RFX2: variants seen among roughly 807,000 people sequenced by gnomAD.
RFX2 encodes regulatory factor X2.
A neutral mutation model predicts 87.8 loss-of-function variants in RFX2; 20 were observed. The ratio of observed to expected loss-of-function variants is 0.23; its 90% CI spans 0.16 to 0.33. The LOEUF (loss-of-function observed/expected upper bound fraction) is 0.33. Among genes scored for constraint, RFX2 ranks in the 10% least tolerant of loss-of-function variants. RFX2 has a pLI of 1.00. For missense variants in RFX2, 767 were observed against 1,012.3 expected (o/e 0.76, Z 3.29); for synonymous variants, 397 against 431.3 (o/e 0.92, Z 0.98).
chr19:6,037,289 G>GA (rs57278741), intron 5 of RFX2, among the ~76,000 whole-genome samples: 30,677 of 102,436 alleles, frequency 0.3, 3,736 homozygotes, highest in South Asian at 0.41. Context: ...GTCTCAAAAA[G>GA]AAAAAAAAAA....
chr19:6,091,662 T>C (rs1275070726), intron 1 of RFX2, among the ~76,000 whole-genome samples: 1 of 152,178 alleles, frequency 6.6e-6, no homozygotes, highest in Non-Finnish European at 1.5e-5. Flanking sequence ...ATTCGAACAT[T>C]TTCAGAAATA....
chr19:6,025,605 C>T (rs1021962391), intron 6 of RFX2, among the ~76,000 whole-genome samples: 2 of 152,042 alleles, frequency 1.3e-5, no homozygotes, highest in African/African-American at 4.8e-5. Flanking sequence ...AATTTACTCC[C>T]TATGACAACC....
chr19:6,015,045 T>C (rs529353699), intron 7 of RFX2, among the ~76,000 whole-genome samples: 58 of 152,240 alleles, frequency 3.8e-4, no homozygotes, highest in African/African-American at 1.2e-3. Context: ...AGAGTTGGCA[T>C]AATTGCCTGT....
chr19:6,100,884 GAATT>G (rs143544211), intron 1 of RFX2, among the ~76,000 whole-genome samples: 14 of 150,162 alleles, frequency 9.3e-5, no homozygotes, highest in Non-Finnish European at 1.9e-4. Flanking sequence ...TTAATTAATT[GAATT>G]AATTAATCAT....
rs1260529938 is a variant in RFX2 at position 6,044,614 on chromosome 19, G to A, written c.91-332C>T. 1.3e-5 allele frequency among the ~76,000 whole-genome samples: 2 copies of A among 152,070 alleles called. No individual in the cohort carries two copies. The highest frequency in any genetic ancestry group is 2.9e-5 in the Non-Finnish European group (2 of 68,010). On this transcript the variant is annotated intron_variant, in intron 2 of 17. Coordinates refer to ENST00000303657, the MANE Select transcript of RFX2 (RefSeq NM_000635.4). The surrounding 1 kb of genome is among the most constrained non-coding windows in gnomAD (Gnocchi z 5.3). ...CACGGAAGCACATGCACCTTCACCC[G>A]CCCAGGCAGCTTTGCCTCTGTGGGT...
intron 1 of RFX2, among the ~76,000 whole-genome samples, chr19:6,060,864 G>A (rs2087419528): frequency 6.6e-6 from 1 of 151,856 alleles, no homozygotes; most frequent in African/African-American, 2.4e-5. Context: ...ACTCAATGTG[G>A]ACGACCTCCC....
chr19:5,997,960 A>T lies in RFX2; in HGVS notation c.1860-747T>A, dbSNP rs542582920. 6.6e-6 allele frequency among the ~76,000 whole-genome samples: 1 copy of T among 152,304 alleles called. No homozygotes were observed. Among genetic ancestry groups the T allele is most frequent in the Admixed American group, 6.5e-5 (1 of 15,302 alleles). The stretch of plus-strand genomic sequence containing the variant: ...TGTTGTCTTTCCTAGGATGGCTGCA[A>T]ATACTACCTGGTTCTTTCTGGGAGA... On this transcript the variant is annotated intron_variant, in intron 15 of 17. Transcript: ENST00000303657. This position sits in a 1 kb window ranked among gnomAD's most constrained non-coding sequence, Gnocchi z 4.2.
chr19:6,102,692 C>T (rs1223833410), intron 1 of RFX2, among the ~76,000 whole-genome samples: 1 of 152,244 alleles, frequency 6.6e-6, no homozygotes, highest in Non-Finnish European at 1.5e-5. Flanking sequence ...CCCCACAGCG[C>T]TGGTTCCCTC....
chr19:6,104,834 A>G (rs984177578), intron 1 of RFX2, among the ~76,000 whole-genome samples: 1 of 151,990 alleles, frequency 6.6e-6, no homozygotes, highest in Non-Finnish European at 1.5e-5. Context: ...CCCTGGGGAT[A>G]TAGAAGTTAA....
In RFX2 at chr19:6,016,197, G is replaced by A. The variant is rs933403234; in HGVS notation, c.672C>T (p.Tyr224=). 1.9e-5 allele frequency: 30 copies of A among 1,614,092 alleles called. No individual in the cohort carries two copies. The highest frequency in any genetic ancestry group is 2.5e-5 in the Non-Finnish European group (29 of 1,179,928). The part of the protein sequence containing the change: ...SLPRSSLYNH[Y]LRHCQEHKLD... The stretch of plus-strand genomic sequence containing the variant: ...GCTTGTGCTCCTGGCAGTGCCGAAG[G>A]TAGTGGTTGTAAAGAGAACTTCTGG... The change falls in exon 7 of 18, where the codon TAC becomes TAT. Residue 224 remains tyrosine, a synonymous_variant. Transcript: ENST00000303657. This position sits in a 1 kb window ranked among gnomAD's most constrained non-coding sequence, Gnocchi z 5.4.
In RFX2 at chr19:6,024,956, C is replaced by T. The variant is rs922524644; in HGVS notation, c.597+1207G>A. On this transcript the variant is annotated intron_variant, in intron 6 of 17. Transcript: ENST00000303657. This position sits in a 1 kb window ranked among gnomAD's most constrained non-coding sequence, Gnocchi z 5.0. The stretch of plus-strand genomic sequence containing the variant: ...AGTCAGGACGGGATCACGGTGAGGA[C>T]GGGAGTCAGGACGGGATCACGGTGA... Among the ~76,000 whole-genome samples, 4 of 151,732 alleles carry T rather than the reference C, an allele frequency of 2.6e-5. No individual in the cohort carries two copies. Among genetic ancestry groups the T allele is most frequent in the Admixed American group, 6.6e-5 (1 of 15,222 alleles).
intron 6 of RFX2, among the ~76,000 whole-genome samples, chr19:6,018,292 G>A (rs2086758480): frequency 6.6e-6 from 1 of 152,174 alleles, no homozygotes; most frequent in African/African-American, 2.4e-5. Flanking sequence ...TTATGAAATA[G>A]TGCTATGGGG....
At chr19:6,094,626 G>T (rs546954018) in intron 1 of RFX2, among the ~76,000 whole-genome samples, 131 of 152,304 alleles carry the variant, frequency 8.6e-4, no homozygotes, top group Middle Eastern at 3.4e-3. Flanking sequence ...AGTCGGTATA[G>T]AAGCCAGGGC....
intron 1 of RFX2, among the ~76,000 whole-genome samples, chr19:6,084,370 A>C (rs1195132861): frequency 6.6e-6 from 1 of 152,188 alleles, no homozygotes; most frequent in Non-Finnish European, 1.5e-5. Context: ...AAATGTGCAT[A>C]ATGTACAATT....
chr19:6,014,291 T>C (rs573863928), intron 7 of RFX2, among the ~76,000 whole-genome samples: 140 of 152,244 alleles, frequency 9.2e-4, no homozygotes, highest in African/African-American at 2.7e-3. Flanking sequence ...TGGAGTGCAG[T>C]AGTGCGATCT....
At chr19:6,102,384 A>G (rs1465756410) in intron 1 of RFX2, among the ~76,000 whole-genome samples, 1 of 152,252 alleles carries the variant, frequency 6.6e-6, no homozygotes, top group Non-Finnish European at 1.5e-5. Flanking sequence ...AAATGAATGA[A>G]GGATGAATGA....
chr19:5,996,969 G>A (rs377579398), intron 16 of RFX2, 91 bp downstream of exon 16: 3 of 1,353,004 alleles, frequency 2.2e-6, no homozygotes, highest in East Asian at 2.4e-5. Context: ...TGGGACCTGC[G>A]AGTGTCCTCT....
chr19:6,004,429 C>G lies in RFX2; in HGVS notation c.1403-131G>C. 1 of 734,534 alleles carries G rather than the reference C, an allele frequency of 1.4e-6. No individual in the cohort carries two copies. Among genetic ancestry groups the G allele is most frequent in the Non-Finnish European group, 2.4e-6 (1 of 414,638 alleles). The allele number at this position is 734,534 out of a possible 1,614,324, so 45.5% of individuals were successfully genotyped here. A position where few individuals can be genotyped will look rare whatever the true frequency, so the allele number is the denominator to read the frequency against. Reference sequence around the variant, plus strand: ...CATGAAGAACGAGCCACACAGGCGACGGGGAACCGAGGACACTTAGAAACG... The same window carrying G: ...CATGAAGAACGAGCCACACAGGCGAGGGGGAACCGAGGACACTTAGAAACG... On this transcript the variant is annotated intron_variant, in intron 12 of 17. Transcript: ENST00000303657. This position sits in a 1 kb window ranked among gnomAD's most constrained non-coding sequence, Gnocchi z 4.8.
At position 6,024,301 on chromosome 19, in the gene RFX2, G is replaced by A. The variant is rs954213028; in HGVS notation, c.597+1862C>T. 1.3e-4 allele frequency among the ~76,000 whole-genome samples: 20 copies of A among 152,152 alleles called. No individual in the cohort carries two copies. Among genetic ancestry groups the A allele is most frequent in the Non-Finnish European group, 2.9e-4 (20 of 68,022 alleles). ...CTCTGAGTTTAAGACTGGGGGCTGG[G>A]GAGATCCTCTCTCCAAGCACGTGTG... On this transcript the variant is annotated intron_variant, in intron 6 of 17. Coordinates refer to ENST00000303657, the MANE Select transcript of RFX2 (RefSeq NM_000635.4). The surrounding 1 kb of genome is among the most constrained non-coding windows in gnomAD (Gnocchi z 5.0).
Sources: gnomAD v4.1 joint callset for allele counts (sites outside exome capture counted in the v4.1 genomes callset) on GRCh38, gnomAD v4.1.1 for gene constraint, Gnocchi (gnomAD v3.1) non-coding constraint, MANE v1.5 for transcripts, NCBI Gene and HGNC (gene_info 2026-07-23, HGNC 2026-07-21) for gene names.